MAP4: variants seen among roughly 807,000 people sequenced by gnomAD.
MAP4 encodes the protein microtubule-associated protein 4.
MAP4 carries 76 observed loss-of-function variants against 170.2 expected under a neutral mutation model. The observed-to-expected ratio is 0.45, with a 90% CI of 0.37 to 0.54. The LOEUF (loss-of-function observed/expected upper bound fraction) is 0.54, where lower values mean the gene tolerates loss of function less well. Among genes scored for constraint, MAP4 ranks in the 20% least tolerant of loss-of-function variants. The pLI is 0.00. For missense variants in MAP4, 2,506 were observed against 2,748.0 expected (o/e 0.91, Z 1.97); for synonymous variants, 909 against 994.5 (o/e 0.91, Z 1.62).
At chr3:48,001,092 T>C (rs1477833601) in intron 1 of MAP4, among the ~76,000 whole-genome samples, 1 of 152,160 alleles carries the variant, frequency 6.6e-6, no homozygotes, top group Non-Finnish European at 1.5e-5. Flanking sequence ...ATTAGAGTGG[T>C]GGCACAGAGG....
At chr3:47,934,138 G>A (rs76768731) in intron 3 of MAP4, among the ~76,000 whole-genome samples, 1 of 152,176 alleles carries the variant, frequency 6.6e-6, no homozygotes, top group South Asian at 2.1e-4. Context: ...GGTAAAGAGA[G>A]GGACAGGACA....
At chr3:47,900,170 C>T (rs916622568) in intron 10 of MAP4, among the ~76,000 whole-genome samples, 1 of 152,186 alleles carries the variant, frequency 6.6e-6, no homozygotes, top group African/African-American at 2.4e-5. Flanking sequence ...ATGACACTCA[C>T]TCCTTGTTAA....
chr3:47,948,871 T>C (rs930212884), intron 3 of MAP4, among the ~76,000 whole-genome samples: 2 of 152,118 alleles, frequency 1.3e-5, no homozygotes, highest in African/African-American at 4.8e-5. Context: ...TCCACCTGCC[T>C]TGGCCTCCCA....
intron 4 of MAP4, among the ~76,000 whole-genome samples, chr3:47,924,323 A>T (rs866426480): frequency 6.6e-6 from 1 of 152,192 alleles, no homozygotes; most frequent in South Asian, 2.1e-4. Context: ...CTAATCCCAC[A>T]GTTTAAAATT....
chr3:47,955,441 C>T (rs1329902476), intron 3 of MAP4, among the ~76,000 whole-genome samples: 1 of 92,026 alleles, frequency 1.1e-5, no homozygotes, highest in Non-Finnish European at 2.7e-5. Context: ...CACGTACACA[C>T]ACACACACAC....
intron 19 of MAP4, among the ~76,000 whole-genome samples, chr3:47,853,581 T>A (rs907624252): frequency 7.5e-6 from 1 of 133,362 alleles, no homozygotes; most frequent in African/African-American, 2.8e-5. Context: ...AGTGACACAC[T>A]CTCAGAGCCC....
At chr3:48,048,803 T>G (rs2100125980) in intron 1 of MAP4, among the ~76,000 whole-genome samples, 1 of 152,172 alleles carries the variant, frequency 6.6e-6, no homozygotes, top group Non-Finnish European at 1.5e-5. Flanking sequence ...TTTCACTATT[T>G]TTTTTAACCT....
In MAP4 at chr3:47,905,524, A is replaced by G. The variant is rs552376021; in HGVS notation, c.5384-2524T>C. ...TGCCTCACAACCTTATAAACAAAAC[A>G]TACCAAAACAACAACAACAACAAAA... On this transcript the variant is annotated intron_variant, in intron 9 of 20. Coordinates refer to ENST00000683076, the MANE Select transcript of MAP4 (RefSeq NM_001385682.1). 2.0e-5 allele frequency among the ~76,000 whole-genome samples: 3 copies of G among 151,822 alleles called. No homozygotes were observed. The South Asian group carries it at 6.3e-4, about 32-fold the overall frequency.
intron 4 of MAP4, among the ~76,000 whole-genome samples, chr3:47,924,054 T>C (rs1265700042): frequency 1.3e-5 from 2 of 152,212 alleles, no homozygotes; most frequent in African/African-American, 2.4e-5. Flanking sequence ...CTTGTAAAAA[T>C]AGATGATTCT....
At chr3:47,880,826 G>A (rs1409598612) in intron 10 of MAP4, among the ~76,000 whole-genome samples, 1 of 152,124 alleles carries the variant, frequency 6.6e-6, no homozygotes, top group African/African-American at 2.4e-5. Context: ...CTTGGTGAGT[G>A]TTTAATGGAC....
chr3:48,021,625 C>A (rs962569266), intron 1 of MAP4, among the ~76,000 whole-genome samples: 1 of 152,172 alleles, frequency 6.6e-6, no homozygotes, highest in Non-Finnish European at 1.5e-5. Context: ...GGATTACAGG[C>A]GTGAGACACC....
chr3:48,026,739 T>C (rs1280194256), intron 1 of MAP4, among the ~76,000 whole-genome samples: 1 of 152,226 alleles, frequency 6.6e-6, no homozygotes, highest in African/African-American at 2.4e-5. Context: ...CTTATGCAGT[T>C]GATTTTAAGT....
chr3:47,906,278 T>C (rs559852715), intron 9 of MAP4, among the ~76,000 whole-genome samples: 19 of 152,072 alleles, frequency 1.2e-4, no homozygotes, highest in Non-Finnish European at 1.9e-4. Context: ...GGAGCCCCTT[T>C]TTATTACACA....
chr3:47,931,973 A>G (rs2100050113), intron 3 of MAP4: 1 of 152,172 alleles, frequency 6.6e-6, no homozygotes, highest in South Asian at 2.1e-4. Context: ...TCACTCTTTT[A>G]AAGTCGAGTT....
intron 1 of MAP4, among the ~76,000 whole-genome samples, chr3:48,035,189 T>TG (rs1553732523): frequency 4.4e-5 from 4 of 90,808 alleles, no homozygotes; most frequent in East Asian, 3.0e-4. Flanking sequence ...CTGATTTGTA[T>TG]GAAAAAAAAA....
intron 1 of MAP4, among the ~76,000 whole-genome samples, chr3:48,010,152 G>A (rs754769210): frequency 3.3e-5 from 5 of 152,220 alleles, no homozygotes; most frequent in Non-Finnish European, 5.9e-5. Context: ...CAAATGATCC[G>A]GACCATTCAG....
chr3:47,888,227 TGTGGGTGGGCCCA>T (rs2097942514), intron 10 of MAP4, among the ~76,000 whole-genome samples: 1 of 152,152 alleles, frequency 6.6e-6, no homozygotes, highest in Admixed American at 6.5e-5. Flanking sequence ...ATCAGCAGGA[TGTGGGTGGGCCCA>T]GATAAGAGAA....
intron 1 of MAP4, among the ~76,000 whole-genome samples, chr3:48,074,509 C>CTTTTTTTT: frequency 8.9e-6 from 1 of 112,554 alleles, no homozygotes; most frequent in Non-Finnish European, 1.7e-5. Flanking sequence ...TATACACACA[C>CTTTTTTTT]TTTTTTTTTT....
rs1033493928 is a variant in MAP4 at position 47,911,551 on chromosome 3, A to C, written c.2870T>G (p.Met957Arg). 3 of 1,536,010 alleles carry C rather than the reference A, an allele frequency of 2.0e-6. No homozygotes were observed. The highest frequency in any genetic ancestry group is 2.6e-6 in the Non-Finnish European group (3 of 1,146,910). ...GCSPFLDQEV[M>R]GVVSKPTAAK... ...TGCTGTGGGTTTTGAAACTACACCC[A>C]TAACCTCTTGGTCCAAGAAAGGAGA... is the stretch of plus-strand genomic sequence containing the variant. The change falls in exon 9 of 21, where the codon ATG becomes AGG. Residue 957 changes from methionine to arginine, a missense_variant. By Grantham distance (91) the Met-to-Arg change is moderately conservative. Coordinates refer to ENST00000683076, the MANE Select transcript of MAP4 (RefSeq NM_001385682.1). The surrounding 1 kb of genome is among the most constrained non-coding windows in gnomAD (Gnocchi z 4.0).
Sources: allele counts gnomAD v4.1 joint callset (sites outside exome capture counted in the v4.1 genomes callset), GRCh38; gene constraint gnomAD v4.1.1; non-coding constraint Gnocchi (gnomAD v3.1); transcripts MANE v1.5; gene names NCBI Gene and HGNC (gene_info 2026-07-23, HGNC 2026-07-21).